Variants in CLN8 observed in about 807,000 individuals in gnomAD.
The protein encoded by CLN8 is protein CLN8.
CLN8 carries 14 observed loss-of-function variants against 15.7 expected under a neutral mutation model. The observed-to-expected ratio is 0.89, with a 90% CI of 0.59 to 1.39. CLN8 has a LOEUF of 1.39. CLN8 is among the 40% of genes most tolerant of loss of function. CLN8 has a pLI of 0.00. For missense variants in CLN8, 415 were observed against 364.0 expected (o/e 1.14, Z -1.14); for synonymous variants, 188 against 151.0 (o/e 1.25, Z -1.80).
chr8:1,759,097 G>C (rs2130948759), upstream of CLN8: 2 of 152,314 alleles, frequency 1.3e-5, no homozygotes, highest in African/African-American at 4.8e-5. Context: ...TTGCTACAGA[G>C]TCTGTTTTGT....
At chr8:1,769,383 T>G (rs1343403459) in intron 1 of CLN8, among the ~76,000 whole-genome samples, 1 of 152,322 alleles carries the variant, frequency 6.6e-6, no homozygotes, top group Middle Eastern at 3.4e-3. Flanking sequence ...CCTCCTATGC[T>G]TCTGGCTCTA....
intron 2 of CLN8, 182 bp from the exon 3 acceptor site, chr8:1,780,068 A>C: frequency 1.0e-6 from 1 of 985,482 alleles, no homozygotes; most frequent in Non-Finnish European, 1.2e-6. Context: ...GCGCCCACAG[A>C]GCTGGTGGCC....
At position 1,785,819 on chromosome 8, in the gene CLN8, T is replaced by A; in HGVS notation, c.*5252T>A. 6.0e-6 allele frequency: 1 copy of A among 166,512 alleles called. No homozygotes were observed. Among genetic ancestry groups the A allele is most frequent in the South Asian group, 1.3e-4 (1 of 7,814 alleles). The allele number at this position is 166,512 out of a possible 1,614,324, so 10.3% of individuals were successfully genotyped here. On this transcript the variant is annotated 3_prime_UTR_variant, in exon 3 of 3. Transcript: ENST00000331222. ...GGGCTCCCTAAACCCCTGCTGTGGCTTCGGCAGTAAAGACAGGACGCACCC... is the reference window on the plus strand; with the variant it reads ...GGGCTCCCTAAACCCCTGCTGTGGCATCGGCAGTAAAGACAGGACGCACCC...
At chr8:1,764,508 C>G (rs1017613184) in intron 1 of CLN8, 1 of 152,470 alleles carries the variant, frequency 6.6e-6, no homozygotes, top group Non-Finnish European at 1.5e-5. Context: ...TCAAGGACAG[C>G]AGGTGTCACG....
chr8:1,782,736 A>G lies in CLN8; in HGVS notation c.*2169A>G, dbSNP rs1316130578. 2.6e-5 allele frequency: 4 copies of G among 152,370 alleles called. No individual in the cohort carries two copies. The East Asian group carries it at 5.8e-4, about 22-fold the overall frequency. The allele number at this position is 152,370 out of a possible 1,614,324, so 9.4% of individuals were successfully genotyped here. ...CCTCTCTCTCAAAATAAACTAACCT[A>G]TTCATATTGCTGTGAATGCTTTATC... On this transcript the variant is annotated 3_prime_UTR_variant, in exon 3 of 3. Transcript: ENST00000331222.
chr8:1,772,916 G>T (rs900207669), intron 2 of CLN8: 3 of 398,444 alleles, frequency 7.5e-6, no homozygotes, highest in Non-Finnish European at 1.3e-5. Context: ...CACATTTCTT[G>T]TCTACAGGAG....
chr8:1,773,206 CCCCAGATGCGGA>C (rs1445495599), intron 2 of CLN8, among the ~76,000 whole-genome samples: 1 of 152,144 alleles, frequency 6.6e-6, no homozygotes, highest in Non-Finnish European at 1.5e-5. Flanking sequence ...GAAACCATGG[CCCCAGATGCGGA>C]CCCTCTGCAG....
intron 1 of CLN8, among the ~76,000 whole-genome samples, chr8:1,764,116 C>T (rs905705497): frequency 2.0e-5 from 3 of 149,702 alleles, no homozygotes; most frequent in African/African-American, 2.5e-5. Context: ...GCGCGGGAGC[C>T]CACGTGAGGG....
intron 2 of CLN8, among the ~76,000 whole-genome samples, chr8:1,775,498 G>T (rs1801477598): frequency 6.6e-6 from 1 of 152,180 alleles, no homozygotes; most frequent in Admixed American, 6.5e-5. Context: ...AAAAATTTTA[G>T]TGCCTTAGTA....
upstream of CLN8, chr8:1,759,978 G>C (rs1800754460): frequency 6.6e-6 from 1 of 152,120 alleles, no homozygotes. Context: ...TTTTAAAACA[G>C]TCTTTTTTGT....
intron 1 of CLN8, among the ~76,000 whole-genome samples, chr8:1,770,707 G>T (rs4875806): frequency 2.0e-5 from 3 of 152,060 alleles, no homozygotes; most frequent in South Asian, 2.1e-4. Flanking sequence ...CTGCCAGCAC[G>T]GCTCCGGCCT....
chr8:1,766,513 C>A (rs915191975), intron 1 of CLN8, among the ~76,000 whole-genome samples: 3 of 151,940 alleles, frequency 2.0e-5, no homozygotes, highest in Non-Finnish European at 2.9e-5. Context: ...CCTCAGCCTC[C>A]CGAGTAGCTG....
chr8:1,774,043 C>T (rs1479908482), intron 2 of CLN8: 1 of 152,158 alleles, frequency 6.6e-6, no homozygotes, highest in Admixed American at 6.5e-5. Context: ...AGACGTGAGT[C>T]TTTCTGTCTC....
At chr8:1,764,505 C>T (rs1005763410) in intron 1 of CLN8, 1 of 152,452 alleles carries the variant, frequency 6.6e-6, no homozygotes, top group Non-Finnish European at 1.5e-5. Context: ...CTGTCAAGGA[C>T]AGCAGGTGTC....
At position 1,780,516 on chromosome 8, in the gene CLN8, C is replaced by T. The variant is rs1295818451; in HGVS notation, c.810C>T (p.Ala270=). 6.2e-7 allele frequency: 1 copy of T among 1,614,114 alleles called. No homozygotes were observed. Among genetic ancestry groups the T allele is most frequent in the South Asian group, 1.1e-5 (1 of 91,090 alleles). The part of the protein sequence containing the change: ...PVDWNFAQPE[A]KSRPEGNGQL... ...ACTGGAACTTCGCACAGCCAGAAGC[C>T]AAGAGCAGGCCAGAAGGCAACGGGC... Residue 270 remains alanine, a synonymous_variant, in exon 3 of 3, where the codon GCC becomes GCT. Transcript: ENST00000331222.
chr8:1,782,018 T>A lies in CLN8; in HGVS notation c.*1451T>A, dbSNP rs2129015765. 6.6e-6 allele frequency: 1 copy of A among 152,208 alleles called. No individual in the cohort carries two copies. Among genetic ancestry groups the A allele is most frequent in the Middle Eastern group, 3.4e-3 (1 of 294 alleles). 9.4% of individuals were successfully genotyped at this position (152,208 alleles called of 1,614,324 possible). On this transcript the variant is annotated 3_prime_UTR_variant, in exon 3 of 3. Transcript: ENST00000331222. Reference sequence around the variant, plus strand: ...ATAAACGTGCAATTAAAATTCAAAGTTTATTTTTTATCACAAGCACCTTTG... The same window carrying A: ...ATAAACGTGCAATTAAAATTCAAAGATTATTTTTTATCACAAGCACCTTTG...
chr8:1,768,814 C>G (rs191825060), intron 1 of CLN8, among the ~76,000 whole-genome samples: 2 of 152,194 alleles, frequency 1.3e-5, no homozygotes, highest in Non-Finnish European at 2.9e-5. Flanking sequence ...GCCGAGTGCT[C>G]TTGCCAGCCC....
At chr8:1,780,062 C>T in intron 2 of CLN8, 188 bp from the exon 3 acceptor site, 1 of 985,436 alleles carries the variant, frequency 1.0e-6, no homozygotes, top group African/African-American at 1.7e-5. Flanking sequence ...CCAGGTGCGC[C>T]CACAGAGCTG....
chr8:1,761,012 C>CTTTTTTTT (rs61327257), upstream of CLN8, among the ~76,000 whole-genome samples: 9 of 67,610 alleles, frequency 1.3e-4, no homozygotes, highest in East Asian at 4.7e-4. Context: ...CTATAGCCAT[C>CTTTTTTTT]TTTTTTTTTT....
Sources: gnomAD v4.1 joint callset for allele counts (sites outside exome capture counted in the v4.1 genomes callset) on GRCh38, gnomAD v4.1.1 for gene constraint, MANE v1.5 for transcripts, NCBI Gene and HGNC (gene_info 2026-07-23, HGNC 2026-07-21) for gene names.